The following C2orf80 variants were observed in gnomAD, a reference collection of about 807,000 sequenced individuals.
C2orf80 encodes chromosome 2 open reading frame 80.
Under a neutral mutation model 30.2 loss-of-function variants are expected in C2orf80, and 28 were observed. The ratio of observed to expected loss-of-function variants is 0.93; its 90% confidence interval spans 0.69 to 1.27. C2orf80 has a LOEUF of 1.27. Among genes scored for constraint, C2orf80 ranks in the 50% most tolerant of loss-of-function variants. The probability of loss-of-function intolerance (pLI) is 0.00; values close to 1 mark genes in which losing one functional copy is unlikely to be tolerated. For missense variants in C2orf80, 220 were observed against 231.0 expected, an observed-to-expected ratio of 0.95 and a Z score of 0.31; for synonymous variants, 80 against 76.4, an observed-to-expected ratio of 1.05 and a Z score of -0.24.
At chr2:208,187,904 C>T (rs1458791618) in intron 1 of C2orf80, among the ~76,000 whole-genome samples, 2 of 151,960 alleles carry the variant, frequency 1.3e-5, no homozygotes, top group East Asian at 3.9e-4. Context: ...AGACTGACCT[C>T]CCCCATGCAA....
Position 208,168,937 on chromosome 2 carries a change from C to T in C2orf80, c.573+2008G>A, listed in dbSNP as rs377551146. Among the ~76,000 whole-genome samples, 44 of 151,394 alleles carry T rather than the reference C, an allele frequency of 2.9e-4. 1 individual carries two copies. In the East Asian group the frequency reaches 6.2e-3, roughly 21 times the overall value. On this transcript the variant is annotated intron_variant, in intron 8 of 8. Coordinates refer to ENST00000341287, the MANE Select transcript of C2orf80 (RefSeq NM_001099334.3). ...CAGGGCACAGAGATTTGAGAACCGT[C>T]ACCTAAGGACTATTCGCTTACTACC...
At chr2:208,168,488 C>T (rs945046668) in intron 8 of C2orf80, 10 of 183,698 alleles carry the variant, frequency 5.4e-5, no homozygotes, top group Middle Eastern at 2.6e-3. Context: ...GGTGAAACCC[C>T]GTCTCTACTA....
intron 4 of C2orf80, among the ~76,000 whole-genome samples, 161 bp downstream of exon 4, chr2:208,182,804 C>T (rs1290403987): frequency 6.6e-6 from 1 of 152,204 alleles, no homozygotes; most frequent in East Asian, 1.9e-4. Flanking sequence ...AAGTTGGCAA[C>T]TGTTCAGGTT....
At chr2:208,182,129 G>T (rs971464140) in intron 4 of C2orf80, among the ~76,000 whole-genome samples, 1 of 152,090 alleles carries the variant, frequency 6.6e-6, no homozygotes, top group Non-Finnish European at 1.5e-5. Context: ...AAAATAACAG[G>T]CCTCCAGAAT....
Position 208,186,981 on chromosome 2 carries a change from T to C in C2orf80, c.6A>G (p.Glu2=). The change falls in exon 2 of 9, where the codon GAA becomes GAG. Residue 2 remains glutamate (E), a synonymous_variant. Transcript: ENST00000341287. Reference sequence around the variant, plus strand: ...TCATTTCCTTCTTTATGAGCCTTCTTTCCATGTTAAAGGCTTAGCCAGCTG... The same window carrying C: ...TCATTTCCTTCTTTATGAGCCTTCTCTCCATGTTAAAGGCTTAGCCAGCTG... The part of the protein sequence containing the change: M[E]RRLIKKEMKK... The C allele has an allele frequency of 1.2e-6, 2 of 1,614,112 alleles. No individual in the cohort carries two copies.
In C2orf80 at chr2:208,165,728, G is replaced by T. The variant is rs1200615106; in HGVS notation, c.*79C>A. The T allele has an allele frequency of 6.2e-7, 1 of 1,603,620 alleles. No homozygotes were observed. Among genetic ancestry groups the T allele is most frequent in the Non-Finnish European group, 8.5e-7 (1 of 1,175,220 alleles). On this transcript the variant is annotated 3_prime_UTR_variant, in exon 9 of 9. Transcript: ENST00000341287. ...GTTGTAAAGAAAAATGTACTGGCAAGAGCTGTGGTTTTAAGATGATGCTTC... is the reference window on the plus strand; with the variant it reads ...GTTGTAAAGAAAAATGTACTGGCAATAGCTGTGGTTTTAAGATGATGCTTC...
At chr2:208,177,907 C>T (rs1471680630) in intron 6 of C2orf80, among the ~76,000 whole-genome samples, 1 of 151,810 alleles carries the variant, frequency 6.6e-6, no homozygotes, top group African/African-American at 2.4e-5. Flanking sequence ...CTCACTGCAA[C>T]CTCTGCCTCC....
Position 208,182,981 on chromosome 2 carries a change from G to A in C2orf80, c.190C>T (p.Leu64=). 1 of 1,613,662 alleles carries A rather than the reference G, an allele frequency of 6.2e-7. No individual in the cohort carries two copies. The highest frequency in any genetic ancestry group is 8.5e-7 in the Non-Finnish European group (1 of 1,179,566). ...WLDPSEDLTW[L]EWEELKIPLH... ...TCAACTTACAGTTCCTCCCACTCCA[G>A]CCAAGTTAAGTCTTCTGAGGGATCC... Residue 64 remains leucine, a synonymous_variant, in exon 4 of 9, where the codon CTG becomes TTG. Coordinates refer to ENST00000341287, the MANE Select transcript of C2orf80 (RefSeq NM_001099334.3).
intron 8 of C2orf80, among the ~76,000 whole-genome samples, chr2:208,168,894 G>A (rs1040826898): frequency 2.6e-5 from 4 of 151,310 alleles, no homozygotes; most frequent in Non-Finnish European, 4.4e-5. Flanking sequence ...CCAGAACTGA[G>A]CCTTTGATCA....
chr2:208,174,963 G>A (rs544187375), intron 6 of C2orf80, among the ~76,000 whole-genome samples: 49 of 152,232 alleles, frequency 3.2e-4, no homozygotes, highest in African/African-American at 1.2e-3. Context: ...GAAGATTTAT[G>A]TTCTCTTTTC....
At position 208,182,749 on chromosome 2, in the gene C2orf80, T is replaced by C. The variant is rs114697215; in HGVS notation, c.206+216A>G. Among the ~76,000 whole-genome samples the C allele has an allele frequency of 4.8e-3, 724 of 152,230 alleles. 7 individuals carry two copies. The highest frequency in any genetic ancestry group is 0.015 in the African/African-American group (637 of 41,542). On this transcript the variant is annotated intron_variant, in intron 4 of 8. Transcript: ENST00000341287. ...AAGAAAGTCTTTCATCTCACTGAAG[T>C]CAATTAGTATAGAGATGCAAAACAT... is the stretch of plus-strand genomic sequence containing the variant.
In C2orf80 at chr2:208,186,880, A is replaced by G. The variant is rs368216517; in HGVS notation, c.41+66T>C. The G allele has an allele frequency of 5.7e-6, 8 of 1,403,732 alleles. No individual in the cohort carries two copies. In the African/African-American group the frequency reaches 7.0e-5, roughly 12 times the overall value. 87.0% of individuals were successfully genotyped at this position (1,403,732 alleles called of 1,614,324 possible). A position where few individuals can be genotyped will look rare whatever the true frequency, so the allele number is the denominator to read the frequency against. On this transcript the variant is annotated intron_variant, in intron 2 of 8. Coordinates refer to ENST00000341287, the MANE Select transcript of C2orf80 (RefSeq NM_001099334.3). ...TTTACCCACTGCCAATACCCAAGCC[A>G]TCTATGACATGAAATCCACCGAATG...
intron 8 of C2orf80, among the ~76,000 whole-genome samples, chr2:208,166,710 A>G (rs2105886770): frequency 6.6e-6 from 1 of 152,004 alleles, no homozygotes; most frequent in East Asian, 1.9e-4. Flanking sequence ...GAGTGCATGC[A>G]GTGGCGGGAT....
chr2:208,167,143 G>A (rs951714952), intron 8 of C2orf80, among the ~76,000 whole-genome samples: 1 of 152,126 alleles, frequency 6.6e-6, no homozygotes, highest in African/African-American at 2.4e-5. Context: ...CTTTAGTATG[G>A]TCGTGTTCAT....
chr2:208,170,630 T>A (rs1696065668), intron 8 of C2orf80, among the ~76,000 whole-genome samples: 1 of 152,212 alleles, frequency 6.6e-6, no homozygotes, highest in South Asian at 2.1e-4. Flanking sequence ...GCTGAAAAGA[T>A]AATAATAGCT....
At chr2:208,169,188 A>T (rs1279818658) in intron 8 of C2orf80, among the ~76,000 whole-genome samples, 1 of 151,240 alleles carries the variant, frequency 6.6e-6, no homozygotes, top group Non-Finnish European at 1.5e-5. Context: ...GGGTCCATTG[A>T]TGAGGCTTGC....
chr2:208,188,638 G>A (rs1045652184), intron 1 of C2orf80, among the ~76,000 whole-genome samples: 11 of 151,972 alleles, frequency 7.2e-5, no homozygotes, highest in Admixed American at 3.9e-4. Flanking sequence ...AGTAGAGACC[G>A]GGTGGTGTCA....
intron 2 of C2orf80, among the ~76,000 whole-genome samples, chr2:208,185,313 C>A (rs1696685757): frequency 6.6e-6 from 1 of 152,176 alleles, no homozygotes; most frequent in Non-Finnish European, 1.5e-5. Context: ...TAAATACCCA[C>A]ACACAGAAAT....
chr2:208,180,853 TA>T (rs1696535657), intron 5 of C2orf80, 37 bp from the exon 6 acceptor site: 1 of 1,544,882 alleles, frequency 6.5e-7, no homozygotes, highest in African/African-American at 1.4e-5. Flanking sequence ...AGTATGATCA[TA>T]CCATGGCTTT....
Sources: allele counts gnomAD v4.1 joint callset (sites outside exome capture counted in the v4.1 genomes callset), GRCh38; gene constraint gnomAD v4.1.1; transcripts MANE v1.5; gene names NCBI Gene and HGNC (gene_info 2026-07-23, HGNC 2026-07-21).